Variants in SEPTIN7 observed in about 807,000 individuals in gnomAD.
The protein encoded by SEPTIN7 is septin-7.
A neutral mutation model predicts 63.3 loss-of-function variants in SEPTIN7; 10 were observed. The observed-to-expected ratio is 0.16, with a 90% CI of 0.10 to 0.27. SEPTIN7 has a LOEUF of 0.27. Ranked by LOEUF, SEPTIN7 falls within the 10% of genes least tolerant of loss-of-function variation. SEPTIN7 has a pLI of 1.00. For missense variants in SEPTIN7, 310 were observed against 521.0 expected (o/e 0.59, Z 3.94); for synonymous variants, 131 against 165.3 (o/e 0.79, Z 1.59).
chr7:35,805,895 C>G (rs1163402699), intron 1 of SEPTIN7, among the ~76,000 whole-genome samples: 1 of 152,166 alleles, frequency 6.6e-6, no homozygotes, highest in Non-Finnish European at 1.5e-5. Context: ...ACACAACTGA[C>G]TACTTCTGGT....
chr7:35,891,454 A>G (rs1173684418), intron 11 of SEPTIN7, among the ~76,000 whole-genome samples: 1 of 152,194 alleles, frequency 6.6e-6, no homozygotes, highest in Admixed American at 6.6e-5. Flanking sequence ...CTATAAACCT[A>G]TACAGCATGT....
intron 3 of SEPTIN7, among the ~76,000 whole-genome samples, chr7:35,855,526 A>C (rs1179583928): frequency 6.6e-6 from 1 of 152,190 alleles, no homozygotes. Context: ...TACTTTCTTT[A>C]GGCTTATTTT....
chr7:35,832,720 T>C, intron 2 of SEPTIN7, 78 bp from the exon 3 acceptor site: 2 of 819,850 alleles, frequency 2.4e-6, no homozygotes, highest in Non-Finnish European at 4.3e-6. Context: ...CTAAAATAGG[T>C]TAATGAAGGG....
At chr7:35,859,566 C>T (rs1239706118) in intron 3 of SEPTIN7, among the ~76,000 whole-genome samples, 3 of 152,190 alleles carry the variant, frequency 2.0e-5, no homozygotes, top group Non-Finnish European at 4.4e-5. Context: ...CTAGTTGTTC[C>T]GTCCGTTATT....
intron 2 of SEPTIN7, 106 bp downstream of exon 2, chr7:35,831,602 T>C: frequency 3.1e-6 from 1 of 317,628 alleles, no homozygotes; most frequent in South Asian, 2.7e-5. Flanking sequence ...GTTTAATGCA[T>C]ATTTCTAACT....
At chr7:35,887,515 T>A (rs532085663) in intron 10 of SEPTIN7, among the ~76,000 whole-genome samples, 1 of 152,244 alleles carries the variant, frequency 6.6e-6, no homozygotes, top group South Asian at 2.1e-4. Context: ...CCTGACTAAT[T>A]TTTGTATTTT....
At chr7:35,871,481 G>A (rs1786146422) in intron 4 of SEPTIN7, among the ~76,000 whole-genome samples, 1 of 152,228 alleles carries the variant, frequency 6.6e-6, no homozygotes, top group Admixed American at 6.5e-5. Flanking sequence ...GGAAGGTGGT[G>A]TTCAGTTGCT....
intron 4 of SEPTIN7, among the ~76,000 whole-genome samples, chr7:35,866,907 T>C (rs7792970): frequency 0.52 from 78,535 of 152,002 alleles, 22,001 homozygotes; most frequent in Admixed American, 0.63. Flanking sequence ...GATTGCTGAG[T>C]CCCTTTCTTC....
At chr7:35,822,974 G>A (rs1307446255) in intron 1 of SEPTIN7, among the ~76,000 whole-genome samples, 1 of 152,068 alleles carries the variant, frequency 6.6e-6, no homozygotes. Flanking sequence ...CTTTCAGTAA[G>A]TTAGCTTCAG....
At chr7:35,866,454 A>C (rs1361839441) in intron 4 of SEPTIN7, among the ~76,000 whole-genome samples, 1 of 152,216 alleles carries the variant, frequency 6.6e-6, no homozygotes, top group Non-Finnish European at 1.5e-5. Context: ...TACAATCCTG[A>C]GTTTCAGAAG....
chr7:35,807,997 A>G (rs1337391047), intron 1 of SEPTIN7, among the ~76,000 whole-genome samples: 5 of 151,398 alleles, frequency 3.3e-5, no homozygotes, highest in Admixed American at 6.6e-5. Flanking sequence ...TAATTTTTGT[A>G]TTTTTAGTAG....
intron 1 of SEPTIN7, among the ~76,000 whole-genome samples, chr7:35,803,478 A>G (rs1788130174): frequency 6.6e-6 from 1 of 152,226 alleles, no homozygotes; most frequent in African/African-American, 2.4e-5. Context: ...ATGAGGGACC[A>G]GTCAGAATAA....
chr7:35,912,245 G>C, the SEPTIN7 span, among the ~76,000 whole-genome samples: 3 of 152,276 alleles, frequency 2.0e-5, no homozygotes, highest in South Asian at 2.1e-4. Context: ...TGGGTTTACC[G>C]GAATGAAGGC....
intron 3 of SEPTIN7, among the ~76,000 whole-genome samples, chr7:35,853,286 T>A (rs1785051010): frequency 6.6e-6 from 1 of 152,002 alleles, no homozygotes; most frequent in South Asian, 2.1e-4. Context: ...ATTTGCTGGA[T>A]GTGGTGGCAT....
chr7:35,838,773 CTAAT>C (rs1265047737), intron 3 of SEPTIN7: 1 of 152,060 alleles, frequency 6.6e-6, no homozygotes, highest in Non-Finnish European at 1.5e-5. Flanking sequence ...GACTAAATGA[CTAAT>C]TAAAGACTAA....
At chr7:35,908,351 G>C (rs1788673034), downstream of SEPTIN7, among the ~76,000 whole-genome samples, 2 of 152,182 alleles carry the variant, frequency 1.3e-5, no homozygotes, top group Non-Finnish European at 2.9e-5. Flanking sequence ...GAAGAATGAA[G>C]ACTATTCTTG....
intron 3 of SEPTIN7, 120 bp from the exon 4 acceptor site, chr7:35,863,432 C>A (rs1163388503): frequency 1.2e-5 from 7 of 595,716 alleles, no homozygotes; most frequent in Non-Finnish European, 1.8e-5. Context: ...TTTCTAATGT[C>A]ATTTCATTGT....
chr7:35,831,803 A>T, intron 2 of SEPTIN7: 1 of 250,206 alleles, frequency 4.0e-6, no homozygotes. Flanking sequence ...CATGACTAGT[A>T]AACATTGTAG....
Position 35,903,207 on chromosome 7 carries a change from C to A in SEPTIN7, c.1266C>A (p.Asn422Lys), listed in dbSNP as rs1788426138. ...EAQQRILEQQ[N>K]SSRTLEKNKK... ...AACAACGTATTTTAGAACAACAGAA[C>A]TCTTCAAGGTAACTAATAGCAGATT... The change falls in exon 13 of 14, where the codon AAC becomes AAA. Residue 422 changes from asparagine (N) to lysine (K), a missense_variant. By Grantham distance (94) the Asn-to-Lys change is moderately conservative. Transcript: ENST00000350320. 1.3e-6 allele frequency: 2 copies of A among 1,586,164 alleles called. No individual in the cohort carries two copies. The highest frequency in any genetic ancestry group is 1.3e-5 in the African/African-American group (1 of 74,216).
Sources: gnomAD v4.1 joint callset for allele counts (sites outside exome capture counted in the v4.1 genomes callset) on GRCh38, gnomAD v4.1.1 for gene constraint, MANE v1.5 for transcripts, NCBI Gene and HGNC (gene_info 2026-07-23, HGNC 2026-07-21) for gene names.